CNTNAP5: variants seen among roughly 807,000 people sequenced by gnomAD.
CNTNAP5 encodes contactin-associated protein-like 5.
In CNTNAP5, 72 loss-of-function variants were observed where a neutral mutation model predicts 150.2. The ratio of observed to expected loss-of-function variants is 0.48; its 90% CI spans 0.40 to 0.58. CNTNAP5 has a LOEUF of 0.58. CNTNAP5 is among the 20% of genes least tolerant of loss of function. The probability of loss-of-function intolerance (pLI) is 0.00; values close to 1 mark genes in which losing one functional copy is unlikely to be tolerated. For missense variants in CNTNAP5, 1,636 were observed against 1,626.2 expected, an observed-to-expected ratio of 1.01 and a Z score of -0.10; for synonymous variants, 672 against 619.8, an observed-to-expected ratio of 1.08 and a Z score of -1.25.
intron 12 of CNTNAP5, among the ~76,000 whole-genome samples, chr2:124,636,720 G>A (rs932793969): frequency 6.6e-6 from 1 of 151,990 alleles, no homozygotes; most frequent in African/African-American, 2.4e-5. Context: ...ATTTTTTGGA[G>A]CTTAGAATAA....
chr2:124,651,700 G>C (rs920403482), intron 13 of CNTNAP5, among the ~76,000 whole-genome samples: 1 of 152,210 alleles, frequency 6.6e-6, no homozygotes, highest in Non-Finnish European at 1.5e-5. Context: ...ACATGATTTT[G>C]TATAAATTTC....
chr2:124,567,861 A>T lies in CNTNAP5; in HGVS notation c.1756+4538A>T, dbSNP rs918278506. On this transcript the variant is annotated intron_variant, in intron 11 of 23. Coordinates refer to ENST00000682447, the MANE Select transcript of CNTNAP5 (RefSeq NM_001367498.1). ...GATAGATAGATAGATAGATAGATAG[A>T]TAGATAGATAGATAGATAGATATAG... is the stretch of plus-strand genomic sequence containing the variant. 3.7e-5 allele frequency among the ~76,000 whole-genome samples: 4 copies of T among 107,936 alleles called. No homozygotes were observed. In the Admixed American group the frequency reaches 4.6e-4, roughly 12 times the overall value. The allele number at this position is 107,936 out of a possible 152,430, so 70.8% of individuals were successfully genotyped here.
At chr2:124,057,448 A>ATTT (rs556571236) in intron 1 of CNTNAP5, among the ~76,000 whole-genome samples, 9,951 of 62,552 alleles carry the variant, frequency 0.16, 1,888 homozygotes, top group East Asian at 0.4. Flanking sequence ...CGGCCAGCTA[A>ATTT]TTTTTTTTTT....
At chr2:124,504,153 T>C in intron 7 of CNTNAP5, 139 bp from the exon 8 acceptor site, 1 of 845,272 alleles carries the variant, frequency 1.2e-6, no homozygotes, top group Non-Finnish European at 1.8e-6. Context: ...AAGCCGACAT[T>C]TTTTTCTTCT....
intron 11 of CNTNAP5, among the ~76,000 whole-genome samples, chr2:124,577,194 G>A (rs1347233706): frequency 1.3e-5 from 2 of 152,066 alleles, no homozygotes; most frequent in Admixed American, 6.6e-5. Context: ...CTATCATCAC[G>A]TCTCAGTCGC....
At chr2:124,357,524 T>A (rs906162509) in intron 3 of CNTNAP5, among the ~76,000 whole-genome samples, 5 of 152,018 alleles carry the variant, frequency 3.3e-5, no homozygotes, top group South Asian at 2.1e-4. Context: ...TTTCTACATA[T>A]GGCTAGCCAG....
chr2:124,547,352 T>C (rs1037782317), intron 10 of CNTNAP5, among the ~76,000 whole-genome samples: 2 of 152,228 alleles, frequency 1.3e-5, no homozygotes, highest in African/African-American at 2.4e-5. Context: ...TCTAACTTAA[T>C]AAAAATACAG....
intron 16 of CNTNAP5, among the ~76,000 whole-genome samples, chr2:124,771,353 T>G (rs926390831): frequency 5.9e-5 from 9 of 152,176 alleles, no homozygotes; most frequent in Admixed American, 3.9e-4. Flanking sequence ...CCATTTCCTT[T>G]ACATTTAGAA....
intron 3 of CNTNAP5, among the ~76,000 whole-genome samples, chr2:124,330,939 T>G (rs866642902): frequency 1.3e-5 from 2 of 152,140 alleles, no homozygotes; most frequent in South Asian, 2.1e-4. Flanking sequence ...TTAGTTTAGT[T>G]CCTTATAATT....
intron 1 of CNTNAP5, among the ~76,000 whole-genome samples, chr2:124,097,151 T>G (rs1055281813): frequency 6.6e-6 from 1 of 152,216 alleles, no homozygotes; most frequent in Non-Finnish European, 1.5e-5. Context: ...CTCCTCAGAT[T>G]CTCACCGTAT....
chr2:124,305,070 A>C (rs1688650332), intron 3 of CNTNAP5, among the ~76,000 whole-genome samples: 1 of 142,730 alleles, frequency 7.0e-6, no homozygotes, highest in Non-Finnish European at 1.5e-5. Flanking sequence ...GTTTAAGACC[A>C]GCCTGGGCAA....
intron 1 of CNTNAP5, among the ~76,000 whole-genome samples, chr2:124,048,945 G>A (rs1283405946): frequency 6.6e-6 from 1 of 152,202 alleles, no homozygotes; most frequent in Non-Finnish European, 1.5e-5. Flanking sequence ...TCAAATGCAA[G>A]TTTGTTTTTC....
chr2:124,808,684 G>A (rs1682135228), intron 19 of CNTNAP5, among the ~76,000 whole-genome samples: 1 of 152,018 alleles, frequency 6.6e-6, no homozygotes, highest in African/African-American at 2.4e-5. Context: ...AATTTAGTAT[G>A]AGTGAAAAAT....
rs10206722 is a variant in CNTNAP5 at position 124,654,108 on chromosome 2, T to G, written c.2077+6150T>G. The stretch of plus-strand genomic sequence containing the variant: ...GGACAGGATGAGGCAGGTGCCTTTT[T>G]GGGGCAGAAGATTCCAGGCTGAAGA... On this transcript the variant is annotated intron_variant, in intron 13 of 23. Coordinates refer to ENST00000682447, the MANE Select transcript of CNTNAP5 (RefSeq NM_001367498.1). Among the ~76,000 whole-genome samples, 249 of 152,142 alleles carry G rather than the reference T, an allele frequency of 1.6e-3. 1 individual carries two copies. Among genetic ancestry groups the G allele is most frequent in the African/African-American group, 5.9e-3 (243 of 41,510 alleles).
rs377425836 is a variant in CNTNAP5 at position 124,074,604 on chromosome 2, C to A, written c.82+48872C>A. 2.0e-4 allele frequency among the ~76,000 whole-genome samples: 31 copies of A among 152,170 alleles called. No homozygotes were observed. The East Asian group carries it at 2.3e-3, about 11-fold the overall frequency. On this transcript the variant is annotated intron_variant, in intron 1 of 23. Coordinates refer to ENST00000682447, the MANE Select transcript of CNTNAP5 (RefSeq NM_001367498.1). ...AAACACCAAATGGGACCAGGGGAAC[C>A]CTTGCCCTCTCCCTTTGGCATTTAT...
intron 20 of CNTNAP5, among the ~76,000 whole-genome samples, chr2:124,867,447 T>A (rs1287038522): frequency 6.6e-6 from 1 of 152,198 alleles, no homozygotes; most frequent in Non-Finnish European, 1.5e-5. Context: ...TCATTGTGCT[T>A]ACCTGGCAAA....
intron 6 of CNTNAP5, among the ~76,000 whole-genome samples, chr2:124,464,051 C>T (rs559543730): frequency 6.6e-6 from 1 of 152,202 alleles, no homozygotes; most frequent in South Asian, 2.1e-4. Flanking sequence ...ATCAATAAGT[C>T]CTACTATTGC....
At chr2:124,081,021 C>T (rs1405174356) in intron 1 of CNTNAP5, among the ~76,000 whole-genome samples, 1 of 152,138 alleles carries the variant, frequency 6.6e-6, no homozygotes. Flanking sequence ...CATAAACAGG[C>T]TTCAAAGTTC....
intron 10 of CNTNAP5, among the ~76,000 whole-genome samples, chr2:124,536,098 G>A (rs1218887781): frequency 2.0e-5 from 3 of 152,182 alleles, no homozygotes; most frequent in Non-Finnish European, 4.4e-5. Context: ...CACAATCTGA[G>A]CTTCTAACTC....
Sources: allele counts gnomAD v4.1 joint callset (sites outside exome capture counted in the v4.1 genomes callset), GRCh38; gene constraint gnomAD v4.1.1; transcripts MANE v1.5; gene names NCBI Gene and HGNC (gene_info 2026-07-23, HGNC 2026-07-21).